The following CD59 variants were observed in gnomAD, a reference collection of about 807,000 sequenced individuals.
CD59 encodes the protein CD59 glycoprotein.
CD59 carries 3 observed loss-of-function variants against 7.0 expected under a neutral mutation model. That is an observed-to-expected ratio of 0.43 (90% CI 0.19 to 1.10). The LOEUF (loss-of-function observed/expected upper bound fraction) is 1.10. Ranked by LOEUF, CD59 falls within the 50% of genes least tolerant of loss-of-function variation. CD59 has a pLI of 0.29. For missense variants in CD59, 143 were observed against 151.0 expected (o/e 0.95, Z 0.28); for synonymous variants, 60 against 62.0 (o/e 0.97, Z 0.15).
intron 1 of CD59, 34 bp from the exon 2 acceptor site, chr11:33,722,497 C>T (rs577018322): frequency 3.8e-5 from 61 of 1,611,180 alleles, no homozygotes; most frequent in Admixed American, 1.0e-4. Context: ...ATGTCAGGAA[C>T]GAACAAATGA....
intron 3 of CD59, among the ~76,000 whole-genome samples, chr11:33,714,932 G>C (rs924726719): frequency 6.7e-6 from 1 of 150,072 alleles, no homozygotes; most frequent in Non-Finnish European, 1.5e-5. Flanking sequence ...TGCCTGCTGA[G>C]GCTGTTTTTT....
At position 33,703,895 on chromosome 11, in the gene CD59, C is replaced by T. The variant is rs1381917903; in HGVS notation, c.*6231G>A. The T allele has an allele frequency of 6.6e-6, 1 of 152,254 alleles. No individual in the cohort carries two copies. Among genetic ancestry groups the T allele is most frequent in the East Asian group, 1.9e-4 (1 of 5,196 alleles). The allele number at this position is 152,254 out of a possible 1,614,324, so 9.4% of individuals were successfully genotyped here. ...ACCGAGGCTGACTCATTGCAGTTGG[C>T]ACTAATTTTCCATTGCCACAGCCCT... On this transcript the variant is annotated 3_prime_UTR_variant, in exon 4 of 4. Transcript: ENST00000642928.
At position 33,715,329 on chromosome 11, in the gene CD59, G is replaced by A. The variant is rs1245113078; in HGVS notation, c.169+2041C>T. 2.0e-5 allele frequency among the ~76,000 whole-genome samples: 3 copies of A among 152,166 alleles called. 1 individual carries two copies. In the South Asian group the frequency reaches 6.2e-4, roughly 32 times the overall value. On this transcript the variant is annotated intron_variant, in intron 3 of 3. Coordinates refer to ENST00000642928, the MANE Select transcript of CD59 (RefSeq NM_000611.6). ...AAAGTTCCCACTGCTGCTGGGCGTG[G>A]TAGCTCACGCCTGTAATCCCAGCAC...
intron 1 of CD59, among the ~76,000 whole-genome samples, chr11:33,734,492 G>A (rs1564980702): frequency 6.6e-6 from 1 of 152,016 alleles, no homozygotes; most frequent in South Asian, 2.1e-4. Flanking sequence ...GCCGACAGGC[G>A]CCAGTGTGTG....
At position 33,736,289 on chromosome 11, in the gene CD59, G is replaced by T. The variant is rs553037441; in HGVS notation, c.-19+93C>A. 2 of 152,458 alleles carry T rather than the reference G, an allele frequency of 1.3e-5. No homozygotes were observed. The highest frequency in any genetic ancestry group is 2.4e-5 in the African/African-American group (1 of 41,418). The allele number at this position is 152,458 out of a possible 1,614,324, so 9.4% of individuals were successfully genotyped here. ...GGTCGAGTGGAAAGCGAGGACGGGG[G>T]TAGCCCCCACAGACCCTCCGCCCGG... On this transcript the variant is annotated intron_variant, in intron 1 of 3. Coordinates refer to ENST00000642928, the MANE Select transcript of CD59 (RefSeq NM_000611.6). This position sits in a 1 kb window ranked among gnomAD's most constrained non-coding sequence, Gnocchi z 4.4.
At chr11:33,722,715 C>G in intron 1 of CD59, 2 of 1,279,272 alleles carry the variant, frequency 1.6e-6, no homozygotes, top group East Asian at 3.9e-5. Flanking sequence ...CCATCAGGGT[C>G]AGTGAGTCAA....
At chr11:33,726,707 A>G (rs986916820) in intron 1 of CD59, among the ~76,000 whole-genome samples, 1 of 152,228 alleles carries the variant, frequency 6.6e-6, no homozygotes, top group Admixed American at 6.5e-5. Context: ...TAGAGATACA[A>G]AAGACCCTTC....
At chr11:33,729,617 T>C (rs1854355897) in intron 1 of CD59, among the ~76,000 whole-genome samples, 1 of 152,158 alleles carries the variant, frequency 6.6e-6, no homozygotes, top group African/African-American at 2.4e-5. Context: ...TATACCTATG[T>C]AACAAACCTG....
intron 1 of CD59, chr11:33,733,423 C>T (rs1854475371): frequency 6.6e-6 from 1 of 152,190 alleles, no homozygotes; most frequent in Admixed American, 6.5e-5. Context: ...TCCAGACCAG[C>T]CTGGCCAACA....
At chr11:33,730,195 G>A (rs925751558) in intron 1 of CD59, among the ~76,000 whole-genome samples, 10 of 151,974 alleles carry the variant, frequency 6.6e-5, no homozygotes, top group African/African-American at 2.2e-4. Flanking sequence ...TTGAGGGGCC[G>A]AGGTGGGTGG....
chr11:33,712,062 T>C (rs990786653), intron 3 of CD59, among the ~76,000 whole-genome samples: 7 of 152,258 alleles, frequency 4.6e-5, no homozygotes, highest in Non-Finnish European at 1.0e-4. Flanking sequence ...AATACTGTTA[T>C]CATCATGGAA....
At chr11:33,735,452 T>C (rs1454947844) in intron 1 of CD59, among the ~76,000 whole-genome samples, 1 of 152,230 alleles carries the variant, frequency 6.6e-6, no homozygotes, top group Non-Finnish European at 1.5e-5. Context: ...TGTTCGTTTT[T>C]GAGGCGGAGT....
intron 2 of CD59, among the ~76,000 whole-genome samples, chr11:33,720,316 A>G (rs2133553092): frequency 6.6e-6 from 1 of 152,336 alleles, no homozygotes; most frequent in Middle Eastern, 3.4e-3. Flanking sequence ...CAGTTCTAAA[A>G]TCCAAGCTTG....
At chr11:33,720,306 C>T (rs868303938) in intron 2 of CD59, among the ~76,000 whole-genome samples, 3 of 152,306 alleles carry the variant, frequency 2.0e-5, no homozygotes, top group Middle Eastern at 6.8e-3. Context: ...CTCAGGCTGT[C>T]AGTTCTAAAA....
At chr11:33,715,165 A>T (rs868130386) in intron 3 of CD59, among the ~76,000 whole-genome samples, 1 of 151,930 alleles carries the variant, frequency 6.6e-6, no homozygotes, top group African/African-American at 2.4e-5. Context: ...TAACACATTT[A>T]TTATAAAATA....
intron 2 of CD59, among the ~76,000 whole-genome samples, chr11:33,720,520 G>A (rs1396912841): frequency 6.6e-6 from 1 of 152,090 alleles, no homozygotes; most frequent in East Asian, 1.9e-4. Flanking sequence ...CCAACATGGT[G>A]AAAGCCCGCC....
chr11:33,703,084 TGAG>T lies in CD59; in HGVS notation c.*7039_*7041del, dbSNP rs1379057692. On this transcript the variant is annotated 3_prime_UTR_variant, in exon 4 of 4. Coordinates refer to ENST00000642928, the MANE Select transcript of CD59 (RefSeq NM_000611.6). ...ATCATTTTTTATGTATATATCTAGT[TGAG>T]GAGAAAAAATTACAGATTTTTTCCC... 2 of 152,200 alleles carry T rather than the reference TGAG, an allele frequency of 1.3e-5. No individual in the cohort carries two copies. The highest frequency in any genetic ancestry group is 2.9e-5 in the Non-Finnish European group (2 of 68,056). 9.4% of individuals were successfully genotyped at this position (152,200 alleles called of 1,614,324 possible). A position where few individuals can be genotyped will look rare whatever the true frequency, so the allele number is the denominator to read the frequency against.
intron 3 of CD59, chr11:33,711,498 T>C (rs574101493): frequency 3.0e-6 from 2 of 665,138 alleles, no homozygotes; most frequent in South Asian, 3.2e-5. Context: ...CATAGTGATA[T>C]CCCAACTCTA....
chr11:33,727,094 T>C (rs939510278), intron 1 of CD59, among the ~76,000 whole-genome samples: 1 of 152,058 alleles, frequency 6.6e-6, no homozygotes, highest in Non-Finnish European at 1.5e-5. Flanking sequence ...CTACCAGAGG[T>C]ACAAAGAGGA....
Sources: allele counts gnomAD v4.1 joint callset (sites outside exome capture counted in the v4.1 genomes callset), GRCh38; gene constraint gnomAD v4.1.1; non-coding constraint Gnocchi (gnomAD v3.1); transcripts MANE v1.5; gene names NCBI Gene and HGNC (gene_info 2026-07-23, HGNC 2026-07-21).